STAM: variants seen among roughly 807,000 people sequenced by gnomAD.
The protein encoded by STAM is signal transducing adapter molecule 1.
In STAM, 16 loss-of-function variants were observed where a neutral mutation model predicts 63.4. The ratio of observed to expected loss-of-function variants is 0.25; its 90% CI spans 0.17 to 0.38. The LOEUF (loss-of-function observed/expected upper bound fraction) is 0.38, where lower values mean the gene tolerates loss of function less well. STAM is among the 10% of genes least tolerant of loss of function. The pLI is 1.00. For missense variants in STAM, 636 were observed against 657.1 expected, an observed-to-expected ratio of 0.97 and a Z score of 0.35; for synonymous variants, 238 against 223.9, an observed-to-expected ratio of 1.06 and a Z score of -0.56.
chr10:17,663,387 C>T (rs1275897079), intron 2 of STAM, among the ~76,000 whole-genome samples: 1 of 151,910 alleles, frequency 6.6e-6, no homozygotes, highest in Non-Finnish European at 1.5e-5. Context: ...TACTTTCTCT[C>T]AGTATATTCC....
intron 12 of STAM, among the ~76,000 whole-genome samples, chr10:17,706,208 T>C (rs550004651): frequency 6.6e-6 from 1 of 151,682 alleles, no homozygotes; most frequent in East Asian, 1.9e-4. Flanking sequence ...GCATATAATA[T>C]ACTAATTATG....
chr10:17,648,064 A>G (rs575211811), intron 1 of STAM, among the ~76,000 whole-genome samples: 2 of 152,338 alleles, frequency 1.3e-5, no homozygotes, highest in Admixed American at 6.5e-5. Flanking sequence ...GTCTAGGAGT[A>G]TCACTGATTC....
At chr10:17,707,389 G>A (rs533581233) in intron 12 of STAM, among the ~76,000 whole-genome samples, 8 of 151,936 alleles carry the variant, frequency 5.3e-5, no homozygotes, top group African/African-American at 1.2e-4. Context: ...CAGCCTGGGC[G>A]ACAGAGCAAG....
chr10:17,704,924 T>G, intron 10 of STAM, 46 bp from the exon 11 acceptor site: 1 of 1,497,148 alleles, frequency 6.7e-7, no homozygotes, highest in African/African-American at 1.4e-5. Flanking sequence ...GTTCACATTT[T>G]TTTTTCTTGT....
At chr10:17,709,844 T>C (rs1462550787) in intron 13 of STAM, among the ~76,000 whole-genome samples, 2 of 149,096 alleles carry the variant, frequency 1.3e-5, no homozygotes, top group Non-Finnish European at 3.0e-5. Flanking sequence ...GGTTGTCAGA[T>C]CTAGTATCCC....
intron 2 of STAM, among the ~76,000 whole-genome samples, chr10:17,682,962 C>G (rs1043023070): frequency 6.6e-6 from 1 of 152,016 alleles, no homozygotes; most frequent in Non-Finnish European, 1.5e-5. Flanking sequence ...GGGACTTAAC[C>G]GTTTTATTAT....
At chr10:17,660,433 A>G (rs781798498) in intron 1 of STAM, 31 bp from the exon 2 acceptor site, 8 of 1,431,646 alleles carry the variant, frequency 5.6e-6, no homozygotes, top group Non-Finnish European at 7.7e-6. Context: ...TTGAAAAATA[A>G]TGTTTCTGCA....
rs74785158 is a variant in STAM, at chr10:17,655,534, A to G, written c.41-4930A>G. 9.0e-3 allele frequency among the ~76,000 whole-genome samples: 1,377 copies of G among 152,320 alleles called. 26 individuals carry two copies. The highest frequency in any genetic ancestry group is 0.031 in the African/African-American group (1,273 of 41,574). ...GGTGATGCTGTGATATATAGCAGGT[A>G]TTATACACCTGTAAAATATTTGGTC... On this transcript the variant is annotated intron_variant, in intron 1 of 13. Transcript: ENST00000377524.
intron 13 of STAM, among the ~76,000 whole-genome samples, chr10:17,709,168 G>A (rs1039882184): frequency 1.3e-5 from 2 of 152,060 alleles, no homozygotes; most frequent in South Asian, 4.2e-4. Flanking sequence ...CATGTAATCT[G>A]GTTTCAGCCT....
intron 9 of STAM, among the ~76,000 whole-genome samples, chr10:17,702,049 A>G (rs1464089122): frequency 1.3e-5 from 2 of 152,196 alleles, no homozygotes; most frequent in Non-Finnish European, 2.9e-5. Context: ...TGAAATTGCT[A>G]TAATAGCTTG....
chr10:17,649,559 T>C (rs554302506), intron 1 of STAM, among the ~76,000 whole-genome samples: 12 of 152,240 alleles, frequency 7.9e-5, no homozygotes, highest in East Asian at 3.9e-4. Context: ...TCATTTTTTT[T>C]CCCCTAATAC....
rs572277104 is a variant in STAM, at chr10:17,696,897, T to C, written c.823+28T>C. On this transcript the variant is annotated intron_variant, in intron 8 of 13. Transcript: ENST00000377524. Reference sequence around the variant, plus strand: ...AAGTATTTTCCAGCCTGCCAATAAATGATGTTTTCTAATCCTTTTCTTAAT... The same window carrying C: ...AAGTATTTTCCAGCCTGCCAATAAACGATGTTTTCTAATCCTTTTCTTAAT... The C allele has an allele frequency of 7.1e-5, 110 of 1,546,306 alleles. 2 individuals are homozygous for C. In the East Asian group the frequency reaches 2.4e-3, roughly 33 times the overall value.
At position 17,695,000 on chromosome 10, in the gene STAM, T is replaced by G. The variant is rs996867114; in HGVS notation, c.536-49T>G. The stretch of plus-strand genomic sequence containing the variant: ...GATGTCTTTTTCTACTTCTTCAGAC[T>G]GTTGGATATAATAACATTTTGGGTC... On this transcript the variant is annotated intron_variant, in intron 6 of 13. Coordinates refer to ENST00000377524, the MANE Select transcript of STAM (RefSeq NM_003473.4). 7 of 1,557,564 alleles carry G rather than the reference T, an allele frequency of 4.5e-6. No homozygotes were observed. In the Admixed American group the frequency reaches 5.5e-5, roughly 12 times the overall value.
chr10:17,714,356 T>C (rs1836706151), intron 13 of STAM, among the ~76,000 whole-genome samples, 187 bp from the exon 14 acceptor site: 1 of 152,010 alleles, frequency 6.6e-6, no homozygotes, highest in Admixed American at 6.6e-5. Flanking sequence ...AACACACATA[T>C]TTTTAATGCA....
At chr10:17,701,647 G>A (rs550025026) in intron 9 of STAM, among the ~76,000 whole-genome samples, 14 of 152,222 alleles carry the variant, frequency 9.2e-5, no homozygotes, top group Middle Eastern at 3.4e-3. Context: ...AATCTTTTCC[G>A]ATCCTCAGTT....
At chr10:17,708,189 G>A (rs569647104) in intron 12 of STAM, among the ~76,000 whole-genome samples, 19 of 152,074 alleles carry the variant, frequency 1.2e-4, no homozygotes, top group African/African-American at 4.3e-4. Context: ...CATGCCTGGC[G>A]GCTTTAAATA....
intron 2 of STAM, among the ~76,000 whole-genome samples, chr10:17,665,675 T>C (rs1834346705): frequency 6.6e-6 from 1 of 151,972 alleles, no homozygotes; most frequent in African/African-American, 2.4e-5. Context: ...CTAACACATA[T>C]ACATAATTAC....
intron 2 of STAM, among the ~76,000 whole-genome samples, chr10:17,672,553 C>G (rs920468456): frequency 6.6e-6 from 1 of 152,128 alleles, no homozygotes; most frequent in Non-Finnish European, 1.5e-5. Context: ...AGCATCAATA[C>G]CTTGCTGTGC....
chr10:17,660,606 C>G, intron 2 of STAM, 58 bp downstream of exon 2: 3 of 1,409,896 alleles, frequency 2.1e-6, no homozygotes, highest in Non-Finnish European at 2.9e-6. Flanking sequence ...ACACGAAAGG[C>G]CAGGTGCAGT....
Sources: gnomAD v4.1 joint callset for allele counts (sites outside exome capture counted in the v4.1 genomes callset) on GRCh38, gnomAD v4.1.1 for gene constraint, MANE v1.5 for transcripts, NCBI Gene and HGNC (gene_info 2026-07-23, HGNC 2026-07-21) for gene names.